The following PCDHA1 variants were observed in gnomAD, a reference collection of about 807,000 sequenced individuals.
The protein encoded by PCDHA1 is protocadherin alpha-1.
A neutral mutation model predicts 61.3 loss-of-function variants in PCDHA1; 42 were observed. The observed-to-expected ratio is 0.69, with a 90% CI of 0.54 to 0.89. PCDHA1 has a LOEUF of 0.89. Among genes scored for constraint, PCDHA1 ranks in the 40% least tolerant of loss-of-function variants. The probability of loss-of-function intolerance (pLI) is 0.00; values close to 1 mark genes in which losing one functional copy is unlikely to be tolerated. For synonymous variants in PCDHA1, 610 were observed against 553.8 expected, an observed-to-expected ratio of 1.10 and a Z score of -1.43; for missense variants, 1,256 against 1,235.3, an observed-to-expected ratio of 1.02 and a Z score of -0.25.
chr5:140,956,775 C>T (rs1176979643), intron 1 of PCDHA1, among the ~76,000 whole-genome samples: 1 of 152,112 alleles, frequency 6.6e-6, no homozygotes, highest in Non-Finnish European at 1.5e-5. Context: ...CTGTCTGGTC[C>T]TGGGCTTTGT....
chr5:140,802,997 C>G (rs781934902), intron 1 of PCDHA1: 1 of 1,614,040 alleles, frequency 6.2e-7, no homozygotes, highest in Non-Finnish European at 8.5e-7. Context: ...TGGATGCAGA[C>G]TCAGGCTACA....
chr5:140,923,456 G>T (rs1554201450), intron 1 of PCDHA1, among the ~76,000 whole-genome samples: 3 of 152,134 alleles, frequency 2.0e-5, no homozygotes, highest in African/African-American at 7.2e-5. Flanking sequence ...TGAGCCCAGA[G>T]AGGTAGGGGC....
intron 3 of PCDHA1, among the ~76,000 whole-genome samples, chr5:140,989,980 C>T (rs1172154204): frequency 6.6e-6 from 1 of 152,012 alleles, no homozygotes; most frequent in South Asian, 2.1e-4. Context: ...AGCAACAGCC[C>T]TGCCTGAAAT....
chr5:140,886,492 C>A (rs2060999452), intron 1 of PCDHA1, among the ~76,000 whole-genome samples: 1 of 152,036 alleles, frequency 6.6e-6, no homozygotes, highest in Non-Finnish European at 1.5e-5. Flanking sequence ...TAAAATATAT[C>A]TTTTTCCTTT....
intron 1 of PCDHA1, chr5:140,801,880 T>TA: frequency 6.2e-7 from 1 of 1,614,148 alleles, no homozygotes; most frequent in Non-Finnish European, 8.5e-7. Context: ...ACGACTCAAC[T>TA]AAAGATCACT....
chr5:140,813,645 A>T (rs183408897), intron 1 of PCDHA1: 1 of 152,194 alleles, frequency 6.6e-6, no homozygotes. Flanking sequence ...ATTACTGTGC[A>T]CTAATGTAGA....
chr5:140,871,445 A>C, intron 1 of PCDHA1: 1 of 1,609,986 alleles, frequency 6.2e-7, no homozygotes, highest in Non-Finnish European at 8.5e-7. Flanking sequence ...GGTCTGAATA[A>C]AGAGGAGGAA....
At chr5:140,934,901 T>C (rs1270837168) in intron 1 of PCDHA1, among the ~76,000 whole-genome samples, 1 of 152,192 alleles carries the variant, frequency 6.6e-6, no homozygotes, top group African/African-American at 2.4e-5. Flanking sequence ...CCTTTTATTT[T>C]GGAATAATTA....
At chr5:140,807,470 C>T in intron 1 of PCDHA1, 1 of 1,612,788 alleles carries the variant, frequency 6.2e-7, no homozygotes, top group South Asian at 1.1e-5. Context: ...CCGGGAGGAG[C>T]TGTGCCGGCG....
rs2150499938 is a variant in PCDHA1 at position 140,850,836 on chromosome 5, G to A, written c.2394+62152G>A. ...CAGCCCGGGCCTTTCTCCTTGTGCT[G>A]GATCTACAGAGCGAACGGGAGAACC... is the stretch of plus-strand genomic sequence containing the variant. On this transcript the variant is annotated intron_variant, in intron 1 of 3. Coordinates refer to ENST00000504120, the MANE Select transcript of PCDHA1 (RefSeq NM_018900.4). The A allele has an allele frequency of 1.2e-5, 19 of 1,597,640 alleles. 1 individual carries two copies. Among genetic ancestry groups the A allele is most frequent in the South Asian group, 3.3e-5 (3 of 90,540 alleles).
At chr5:140,976,007 A>G (rs546477565) in intron 1 of PCDHA1, among the ~76,000 whole-genome samples, 55 of 152,354 alleles carry the variant, frequency 3.6e-4, no homozygotes, top group African/African-American at 1.3e-3. Flanking sequence ...TAAGTATTAA[A>G]GAACTAAATA....
intron 1 of PCDHA1, chr5:140,821,729 A>G (rs1554128163): frequency 1.3e-6 from 2 of 1,520,058 alleles, no homozygotes; most frequent in Non-Finnish European, 1.8e-6. Context: ...TACAAAATAC[A>G]TTGTGTGGTG....
intron 1 of PCDHA1, among the ~76,000 whole-genome samples, chr5:140,907,407 C>G (rs1438882988): frequency 3.3e-5 from 5 of 152,168 alleles, no homozygotes; most frequent in African/African-American, 1.2e-4. Flanking sequence ...GTGTGGAATA[C>G]CACGATGGTG....
At chr5:140,944,870 A>T (rs2093703572) in intron 1 of PCDHA1, among the ~76,000 whole-genome samples, 1 of 152,058 alleles carries the variant, frequency 6.6e-6, no homozygotes, top group Non-Finnish European at 1.5e-5. Flanking sequence ...TATCTTAACC[A>T]CCTACTCCAC....
rs782239316 is a variant in PCDHA1 at position 140,877,376 on chromosome 5, G to T, written c.2394+88692G>T. 6.2e-6 allele frequency: 10 copies of T among 1,613,896 alleles called. No individual in the cohort carries two copies. The South Asian group carries it at 6.6e-5, about 11-fold the overall frequency. On this transcript the variant is annotated intron_variant, in intron 1 of 3. Transcript: ENST00000504120. The stretch of plus-strand genomic sequence containing the variant: ...TACACTGGCGAGATCAGCACGACAC[G>T]CATCCTGGATGAGGCGGACGCTCCG...
At chr5:140,874,058 T>C (rs1454224127) in intron 1 of PCDHA1, among the ~76,000 whole-genome samples, 1 of 152,234 alleles carries the variant, frequency 6.6e-6, no homozygotes, top group African/African-American at 2.4e-5. Context: ...TTAGACAATT[T>C]AAATAATTAG....
chr5:140,840,473 G>A (rs1487904967), intron 1 of PCDHA1, among the ~76,000 whole-genome samples: 6 of 151,942 alleles, frequency 3.9e-5, no homozygotes, highest in Admixed American at 3.9e-4. Context: ...GGGGAAAAAA[G>A]TTTAAAGGCA....
chr5:140,822,283 A>G (rs1767257556), intron 1 of PCDHA1: 1 of 1,614,254 alleles, frequency 6.2e-7, no homozygotes, highest in Non-Finnish European at 8.5e-7. Context: ...ATTGAGATAC[A>G]GGTTAAATCC....
At chr5:140,926,129 G>C (rs2082926412) in intron 1 of PCDHA1, among the ~76,000 whole-genome samples, 1 of 152,178 alleles carries the variant, frequency 6.6e-6, no homozygotes, top group African/African-American at 2.4e-5. Flanking sequence ...ACTTCAACCC[G>C]CAGCAGGATC....
Sources: allele counts gnomAD v4.1 joint callset (sites outside exome capture counted in the v4.1 genomes callset), GRCh38; gene constraint gnomAD v4.1.1; transcripts MANE v1.5; gene names NCBI Gene and HGNC (gene_info 2026-07-23, HGNC 2026-07-21).